IL1RAPL2: variants seen among roughly 807,000 people sequenced by gnomAD.
The protein encoded by IL1RAPL2 is X-linked interleukin-1 receptor accessory protein-like 2.
Under a neutral mutation model 44.1 loss-of-function variants are expected in IL1RAPL2, and 3 were observed. The ratio of observed to expected loss-of-function variants is 0.07; its 90% CI spans 0.03 to 0.18. The LOEUF (loss-of-function observed/expected upper bound fraction) is 0.18. Ranked by LOEUF, IL1RAPL2 falls within the 10% of genes least tolerant of loss-of-function variation. The pLI is 1.00. For synonymous variants in IL1RAPL2, 181 were observed against 178.8 expected, an observed-to-expected ratio of 1.01 and a Z score of -0.10; for missense variants, 391 against 496.4, an observed-to-expected ratio of 0.79 and a Z score of 2.02.
At chrX:105,518,772 G>C (rs776976357) in intron 6 of IL1RAPL2, among the ~76,000 whole-genome samples, 1 of 111,376 alleles carries the variant, frequency 9.0e-6, no homozygotes, top group Admixed American at 9.6e-5. Context: ...CAAGTACTTG[G>C]TTACTAGTAA....
At chrX:105,686,116 C>A (rs2037971183) in intron 6 of IL1RAPL2, among the ~76,000 whole-genome samples, 1 of 110,707 alleles carries the variant, frequency 9.0e-6, no homozygotes, top group African/African-American at 3.3e-5. Context: ...ATTGTAAAGA[C>A]CATCGATGCT....
At chrX:105,712,552 A>T (rs1244609129) in intron 6 of IL1RAPL2, among the ~76,000 whole-genome samples, 1 of 111,463 alleles carries the variant, frequency 9.0e-6, no homozygotes, top group African/African-American at 3.3e-5. Context: ...CACATCTTAC[A>T]TGGTGGCAGG....
intron 2 of IL1RAPL2, among the ~76,000 whole-genome samples, chrX:104,909,362 T>G (rs899811323): frequency 9.8e-5 from 11 of 112,429 alleles, no homozygotes; most frequent in Non-Finnish European, 2.1e-4. Flanking sequence ...TCATTCTCTG[T>G]CCAGCTTTGT....
intron 8 of IL1RAPL2, among the ~76,000 whole-genome samples, chrX:105,744,963 C>A (rs1384170708): frequency 9.0e-6 from 1 of 111,424 alleles, no homozygotes; most frequent in African/African-American, 3.3e-5. Context: ...CTCTGTCCCA[C>A]CATACCTGAA....
At chrX:105,219,714 T>G in intron 3 of IL1RAPL2, 1 of 1,201,608 alleles carries the variant, frequency 8.3e-7, no homozygotes. Context: ...TGGCCAGGCC[T>G]GGCCACCCTG....
intron 6 of IL1RAPL2, among the ~76,000 whole-genome samples, chrX:105,539,404 A>G (rs192034284): frequency 1.3e-4 from 14 of 111,558 alleles, no homozygotes; most frequent in African/African-American, 4.6e-4. Flanking sequence ...GACAAAGTAG[A>G]CAAAAATAAG....
intron 4 of IL1RAPL2, among the ~76,000 whole-genome samples, chrX:105,247,613 G>A (rs868800365): frequency 0.037 from 3,624 of 96,678 alleles, 146 homozygotes; most frequent in African/African-American, 0.15. Flanking sequence ...ATGTGTGTGT[G>A]TGTGTGTGTG....
chrX:104,649,100 G>A lies in IL1RAPL2; in HGVS notation c.-19-9795G>A, dbSNP rs773381003. On this transcript the variant is annotated intron_variant, in intron 1 of 10. Transcript: ENST00000372582. ...CATGTTTTTTCTCTTTCTCCTCTACGATTTTTTTCCCTCCCTTTCTGTGTC... is the reference window on the plus strand; with the variant it reads ...CATGTTTTTTCTCTTTCTCCTCTACAATTTTTTTCCCTCCCTTTCTGTGTC... Among the ~76,000 whole-genome samples, 123 of 108,826 alleles carry A rather than the reference G, an allele frequency of 1.1e-3. 1 individual carries two copies. The highest frequency in any genetic ancestry group is 1.8e-3 in the Non-Finnish European group (93 of 52,168). The allele number at this position is 108,826 out of a possible 115,157, so 94.5% of individuals were successfully genotyped here. A position where few individuals can be genotyped will look rare whatever the true frequency, so the allele number is the denominator to read the frequency against.
intron 6 of IL1RAPL2, among the ~76,000 whole-genome samples, chrX:105,615,199 G>A (rs1381832685): frequency 9.0e-6 from 1 of 111,390 alleles, no homozygotes; most frequent in African/African-American, 3.3e-5. Flanking sequence ...GCGAGGACAC[G>A]GAGGAAAAGG....
chrX:104,719,305 G>C (rs1931634876), intron 2 of IL1RAPL2, among the ~76,000 whole-genome samples: 1 of 111,837 alleles, frequency 8.9e-6, no homozygotes, highest in Non-Finnish European at 1.9e-5. Flanking sequence ...CTATACAAAA[G>C]TTCTGAAATA....
At chrX:105,619,297 C>T (rs1472053717) in intron 6 of IL1RAPL2, among the ~76,000 whole-genome samples, 2 of 109,466 alleles carry the variant, frequency 1.8e-5, no homozygotes, top group African/African-American at 6.6e-5. Context: ...ATTGATTATG[C>T]GGATTTGAGT....
At chrX:105,477,876 G>T (rs2036208482) in intron 5 of IL1RAPL2, among the ~76,000 whole-genome samples, 1 of 111,901 alleles carries the variant, frequency 8.9e-6, no homozygotes. Flanking sequence ...CCCATGGAAT[G>T]GTTGCTACCC....
At chrX:104,848,439 ATATATATATAT>A (rs1922124647) in intron 2 of IL1RAPL2, among the ~76,000 whole-genome samples, 1 of 78,538 alleles carries the variant, frequency 1.3e-5, no homozygotes, top group Non-Finnish European at 2.7e-5. Flanking sequence ...ATATATATAT[ATATATATATAT>A]AACTTAAACA....
chrX:105,063,576 A>C (rs1042576890), intron 2 of IL1RAPL2, among the ~76,000 whole-genome samples: 5 of 111,801 alleles, frequency 4.5e-5, no homozygotes, highest in Admixed American at 1.9e-4. Context: ...GTGATTCAAG[A>C]CTGTCTTCTA....
chrX:105,120,916 CT>C (rs1222144168), intron 2 of IL1RAPL2, among the ~76,000 whole-genome samples: 10 of 106,794 alleles, frequency 9.4e-5, no homozygotes, highest in Non-Finnish European at 1.2e-4. Context: ...CTTTGGTGTC[CT>C]TTTTTTTTTC....
intron 5 of IL1RAPL2, among the ~76,000 whole-genome samples, chrX:105,340,120 T>C (rs904983800): frequency 8.9e-6 from 1 of 111,752 alleles, no homozygotes; most frequent in Non-Finnish European, 1.9e-5. Context: ...GGAAGTCTAA[T>C]AAACACCTCA....
At chrX:105,164,946 T>A (rs2033359421) in intron 2 of IL1RAPL2, among the ~76,000 whole-genome samples, 1 of 111,703 alleles carries the variant, frequency 9.0e-6, no homozygotes, top group Admixed American at 9.6e-5. Context: ...AAATCCTGTT[T>A]TATTCTTCTT....
At chrX:105,590,538 TATTC>T (rs2037160855) in intron 6 of IL1RAPL2, among the ~76,000 whole-genome samples, 1 of 111,732 alleles carries the variant, frequency 8.9e-6, no homozygotes, top group African/African-American at 3.2e-5. Flanking sequence ...TTTGGAGGTT[TATTC>T]ATTCAATGCC....
chrX:104,729,653 C>T (rs1393641368), intron 2 of IL1RAPL2, among the ~76,000 whole-genome samples: 1 of 108,878 alleles, frequency 9.2e-6, no homozygotes, highest in African/African-American at 3.4e-5. Context: ...TCTTATCCCT[C>T]CTCACACTCT....
Sources: allele counts gnomAD v4.1 joint callset (sites outside exome capture counted in the v4.1 genomes callset), GRCh38; gene constraint gnomAD v4.1.1; transcripts MANE v1.5; gene names NCBI Gene and HGNC (gene_info 2026-07-23, HGNC 2026-07-21).